The following AK5 variants were observed in gnomAD, a reference collection of about 807,000 sequenced individuals.
AK5 encodes the protein adenylate kinase isoenzyme 5.
In AK5, 27 loss-of-function variants were observed where a neutral mutation model predicts 69.5. The observed-to-expected ratio is 0.39, with a 90% CI of 0.29 to 0.54. The LOEUF is 0.54. Among genes scored for constraint, AK5 ranks in the 20% least tolerant of loss-of-function variants. The pLI, the probability that AK5 is intolerant of heterozygous loss-of-function variation, is 0.71. For missense variants in AK5, 531 were observed against 700.4 expected (o/e 0.76, Z 2.73); for synonymous variants, 260 against 244.4 (o/e 1.06, Z -0.60).
At chr1:77,308,123 A>G (rs1257973643) in intron 5 of AK5, among the ~76,000 whole-genome samples, 3 of 152,162 alleles carry the variant, frequency 2.0e-5, no homozygotes, top group Admixed American at 2.0e-4. Flanking sequence ...GTGGTCAGTC[A>G]TGGGTCTCTA....
At chr1:77,392,577 G>A (rs369131565) in intron 6 of AK5, among the ~76,000 whole-genome samples, 5 of 152,070 alleles carry the variant, frequency 3.3e-5, no homozygotes, top group African/African-American at 4.8e-5. Flanking sequence ...TTTCTCTTCC[G>A]TGTGTGCCCA....
At chr1:77,407,441 G>C (rs183464495) in intron 6 of AK5, among the ~76,000 whole-genome samples, 1 of 152,182 alleles carries the variant, frequency 6.6e-6, no homozygotes, top group African/African-American at 2.4e-5. Flanking sequence ...TAAAAATCTA[G>C]AAAATGTAAA....
intron 6 of AK5, among the ~76,000 whole-genome samples, chr1:77,354,335 G>T (rs1324813396): frequency 2.0e-5 from 3 of 152,050 alleles, no homozygotes; most frequent in African/African-American, 7.2e-5. Flanking sequence ...GCTAATGGGG[G>T]GGTACTGAAA....
At chr1:77,455,926 C>G (rs1033151825) in intron 8 of AK5, among the ~76,000 whole-genome samples, 1 of 152,148 alleles carries the variant, frequency 6.6e-6, no homozygotes. Context: ...CAGAATAGAG[C>G]AGATCAAAAG....
At position 77,478,991 on chromosome 1, in the gene AK5, C is replaced by T. The variant is rs563812369; in HGVS notation, c.1060-4326C>T. ...AAGGTTGAATGTGGGTTCCTTTTGC[C>T]CTCCTAATGGGTCTTGATTGACTGG... On this transcript the variant is annotated intron_variant, in intron 8 of 13. Transcript: ENST00000354567. Among the ~76,000 whole-genome samples, 10 of 151,866 alleles carry T rather than the reference C, an allele frequency of 6.6e-5. No homozygotes were observed. In the South Asian group the frequency reaches 2.1e-3, roughly 32 times the overall value.
chr1:77,283,506 A>T, intron 1 of AK5: 2 of 985,416 alleles, frequency 2.0e-6, no homozygotes, highest in Non-Finnish European at 2.4e-6. Context: ...ATTTTGCCTC[A>T]GTTTCCCTAA....
Position 77,367,854 on chromosome 1 carries a change from A to ATATGTTATATATATT in AK5, c.891+27286_891+27287insTATGTTATATATATT, listed in dbSNP as rs1647019665. 4.5e-3 allele frequency among the ~76,000 whole-genome samples: 10 copies of ATATGTTATATATATT among 2,212 alleles called. 3 individuals carry two copies. The highest frequency in any genetic ancestry group is 0.013 in the African/African-American group (7 of 546). 1.5% of individuals were successfully genotyped at this position (2,212 alleles called of 152,430 possible). A position where few individuals can be genotyped will look rare whatever the true frequency, so the allele number is the denominator to read the frequency against. On this transcript the variant is annotated intron_variant, in intron 6 of 13. Coordinates refer to ENST00000354567, the MANE Select transcript of AK5 (RefSeq NM_174858.3). Reference sequence around the variant, plus strand: ...AATATATGTTATATATATTATATATAATATATAATATATGTGATATATAAT... The same window carrying ATATGTTATATATATT: ...AATATATGTTATATATATTATATATATATGTTATATATATTATATATAATATATGTGATATATAAT...
chr1:77,337,314 T>G (rs1346341642), intron 5 of AK5, among the ~76,000 whole-genome samples: 1 of 152,176 alleles, frequency 6.6e-6, no homozygotes, highest in African/African-American at 2.4e-5. Context: ...GCACTTACAT[T>G]AACAGACTAA....
intron 1 of AK5, 60 bp downstream of exon 1, chr1:77,282,433 GT>G (rs996658360): frequency 3.2e-5 from 49 of 1,514,112 alleles, no homozygotes; most frequent in Non-Finnish European, 4.3e-5. Context: ...AGGGGTTCGG[GT>G]TGAGGCAGCC....
intron 8 of AK5, among the ~76,000 whole-genome samples, chr1:77,424,363 C>A (rs933821311): frequency 5.9e-5 from 9 of 152,252 alleles, no homozygotes; most frequent in African/African-American, 2.2e-4. Context: ...TCAGCTCAAG[C>A]AATCCTCTTG....
intron 8 of AK5, among the ~76,000 whole-genome samples, chr1:77,434,034 A>G (rs992523979): frequency 6.6e-6 from 1 of 151,464 alleles, no homozygotes; most frequent in Non-Finnish European, 1.5e-5. Flanking sequence ...CAAACCAGTA[A>G]CCGTGGATGA....
chr1:77,394,960 G>A (rs1188010900), intron 6 of AK5, among the ~76,000 whole-genome samples: 1 of 152,044 alleles, frequency 6.6e-6, no homozygotes, highest in Non-Finnish European at 1.5e-5. Flanking sequence ...AGAATACTCA[G>A]GACAAGAGAC....
chr1:77,493,673 C>T (rs1451083950), intron 10 of AK5, among the ~76,000 whole-genome samples: 1 of 152,148 alleles, frequency 6.6e-6, no homozygotes, highest in East Asian at 1.9e-4. Context: ...TTCTTTCTCT[C>T]CTGAAGGGAT....
chr1:77,425,944 A>G (rs955710262), intron 8 of AK5, among the ~76,000 whole-genome samples: 18 of 152,356 alleles, frequency 1.2e-4, no homozygotes, highest in Middle Eastern at 6.8e-3. Context: ...TGCAAATTTC[A>G]GGACAACCAA....
intron 5 of AK5, among the ~76,000 whole-genome samples, chr1:77,338,877 A>G (rs2815331): frequency 0.96 from 146,034 of 152,268 alleles, 70,320 homozygotes; most frequent in East Asian, 1. Flanking sequence ...CAAGGAGGTA[A>G]GTTCCTGTAT....
At chr1:77,353,444 C>G (rs544805125) in intron 6 of AK5, among the ~76,000 whole-genome samples, 4 of 152,234 alleles carry the variant, frequency 2.6e-5, no homozygotes, top group South Asian at 2.1e-4. Context: ...TGCCACTGTA[C>G]TCCAGCCAGG....
chr1:77,352,330 A>G (rs79963305), intron 6 of AK5, among the ~76,000 whole-genome samples: 330 of 152,342 alleles, frequency 2.2e-3, no homozygotes, highest in Admixed American at 3.7e-3. Flanking sequence ...CTCCTTATTC[A>G]TCTTATATCT....
rs116467173 is a variant in AK5 at position 77,454,838 on chromosome 1, G to C, written c.1060-28479G>C. ...TCTCTCAAGTTTTTTTTTTTCTTTT[G>C]TGGAGTTTAGTTCATAAATTACAAT... On this transcript the variant is annotated intron_variant, in intron 8 of 13. Transcript: ENST00000354567. Among the ~76,000 whole-genome samples, 378 of 149,856 alleles carry C rather than the reference G, an allele frequency of 2.5e-3. 3 individuals are homozygous for C. Among genetic ancestry groups the C allele is most frequent in the East Asian group, 9.7e-3 (50 of 5,134 alleles).
At chr1:77,518,539 G>A (rs1657796880) in intron 10 of AK5, 25 bp from the exon 11 acceptor site, 1 of 1,611,146 alleles carries the variant, frequency 6.2e-7, no homozygotes, top group African/African-American at 1.3e-5. Flanking sequence ...TGGAATGCAT[G>A]TCTGACACAT....
Sources: gnomAD v4.1 joint callset for allele counts (sites outside exome capture counted in the v4.1 genomes callset) on GRCh38, gnomAD v4.1.1 for gene constraint, MANE v1.5 for transcripts, NCBI Gene and HGNC (gene_info 2026-07-23, HGNC 2026-07-21) for gene names.